ZBTB44: variants seen among roughly 807,000 people sequenced by gnomAD.
ZBTB44 encodes zinc finger and BTB domain-containing protein 44.
Under a neutral mutation model 54.0 loss-of-function variants are expected in ZBTB44, and 15 were observed. The ratio of observed to expected loss-of-function variants is 0.28; its 90% CI spans 0.19 to 0.43. The LOEUF (loss-of-function observed/expected upper bound fraction) is 0.43. Ranked by LOEUF, ZBTB44 falls within the 20% of genes least tolerant of loss-of-function variation. The probability of loss-of-function intolerance (pLI) is 1.00; values close to 1 mark genes in which losing one functional copy is unlikely to be tolerated. For synonymous variants in ZBTB44, 230 were observed against 250.1 expected, an observed-to-expected ratio of 0.92 and a Z score of 0.76; for missense variants, 487 against 707.1, an observed-to-expected ratio of 0.69 and a Z score of 3.53.
rs369914031 is a variant in ZBTB44 at position 130,261,312 on chromosome 11, T to C, written c.562A>G (p.Ile188Val). 32 of 1,613,816 alleles carry C rather than the reference T, an allele frequency of 2.0e-5. No homozygotes were observed. Among genetic ancestry groups the C allele is most frequent in the Non-Finnish European group, 2.6e-5 (31 of 1,179,902 alleles). The change falls in exon 2 of 8, where the codon ATT becomes GTT. Residue 188 changes from isoleucine to valine, a missense_variant. By Grantham distance (29) the Ile-to-Val change is conservative (BLOSUM62 3). Coordinates refer to ENST00000357899, the MANE Select transcript of ZBTB44 (RefSeq NM_001301098.2). This position sits in a 1 kb window ranked among gnomAD's most constrained non-coding sequence, Gnocchi z 4.8. The part of the protein sequence containing the change: ...RESRRKRKSY[I>V]VMSPESPVKC... The stretch of plus-strand genomic sequence containing the variant: ...ACAGGACTTTCAGGAGACATAACAA[T>C]GTAGCTTTTGCGCTTTCTCCGGGAT...
chr11:130,314,020 G>C (rs930587888), intron 1 of ZBTB44, among the ~76,000 whole-genome samples: 6 of 151,932 alleles, frequency 3.9e-5, no homozygotes, highest in African/African-American at 1.5e-4. Context: ...AAAGCAGAAG[G>C]GGAAAGGAGG....
In ZBTB44 at chr11:130,261,161, C is replaced by T. The variant is rs754651883; in HGVS notation, c.713G>A (p.Arg238Gln). Residue 238 changes from arginine (R) to glutamine (Q), a missense_variant, in exon 2 of 8, where the codon CGA becomes CAA. Around this residue, in one of 3 missense-constraint regions of ZBTB44, gnomAD observed 277 missense variants for 306.5 expected, o/e 0.90. Transcript: ENST00000357899. The surrounding 1 kb of genome is among the most constrained non-coding windows in gnomAD (Gnocchi z 4.8). ...FPWTFPFGID[R>Q]RIQPEKVKQA... ...CTTAACTTTCTCAGGCTGAATCCTT[C>T]GATCAATTCCAAAAGGAAAAGTCCA... The T allele has an allele frequency of 3.1e-6, 5 of 1,613,914 alleles. No individual in the cohort carries two copies. The highest frequency in any genetic ancestry group is 1.6e-4 in the Middle Eastern group (1 of 6,062).
At chr11:130,234,442 T>C (rs1402857352) in intron 5 of ZBTB44, among the ~76,000 whole-genome samples, 169 bp from the exon 6 acceptor site, 4 of 152,210 alleles carry the variant, frequency 2.6e-5, no homozygotes, top group African/African-American at 4.8e-5. Flanking sequence ...TTCCTAAATA[T>C]GAACCAAAAC....
rs575551680 is a variant in ZBTB44 at position 130,227,665 on chromosome 11, C to G, written c.*4099G>C. On this transcript the variant is annotated 3_prime_UTR_variant, in exon 8 of 8. Coordinates refer to ENST00000357899, the MANE Select transcript of ZBTB44 (RefSeq NM_001301098.2). ...TAGGCTGGCTGCACTAGGAAGTACT[C>G]CAGTTTTTAAATGGAGCCAGCTTTA... 3 of 152,278 alleles carry G rather than the reference C, an allele frequency of 2.0e-5. No homozygotes were observed. The highest frequency in any genetic ancestry group is 2.0e-4 in the Admixed American group (3 of 15,304). 9.4% of individuals were successfully genotyped at this position (152,278 alleles called of 1,614,324 possible).
intron 1 of ZBTB44, among the ~76,000 whole-genome samples, chr11:130,275,896 G>A (rs1488617048): frequency 6.6e-6 from 1 of 151,476 alleles, no homozygotes; most frequent in Non-Finnish European, 1.5e-5. Context: ...AAAGTGCTGG[G>A]ATTACAGGCA....
At chr11:130,242,021 G>A (rs1266252186) in intron 2 of ZBTB44, among the ~76,000 whole-genome samples, 2 of 152,142 alleles carry the variant, frequency 1.3e-5, no homozygotes, top group Non-Finnish European at 2.9e-5. Context: ...TTGCTATCAA[G>A]TAGAGAAAGT....
At chr11:130,260,162 G>A (rs1249758125) in intron 2 of ZBTB44, among the ~76,000 whole-genome samples, 1 of 151,988 alleles carries the variant, frequency 6.6e-6, no homozygotes, top group Non-Finnish European at 1.5e-5. Context: ...CACTCCTTTT[G>A]TCTGATCTCC....
At chr11:130,236,030 G>T in intron 5 of ZBTB44, 1 of 1,003,320 alleles carries the variant, frequency 1.0e-6, no homozygotes, top group Non-Finnish European at 1.2e-6. Flanking sequence ...GATTCCTACA[G>T]AAGTACAATT....
intron 1 of ZBTB44, among the ~76,000 whole-genome samples, chr11:130,273,751 A>G (rs1193619803): frequency 1.3e-5 from 2 of 152,154 alleles, no homozygotes; most frequent in Non-Finnish European, 2.9e-5. Flanking sequence ...GATTTTCTAT[A>G]AACAGGTTGA....
At chr11:130,245,783 C>T (rs928640677) in intron 2 of ZBTB44, among the ~76,000 whole-genome samples, 7 of 152,090 alleles carry the variant, frequency 4.6e-5, no homozygotes, top group South Asian at 2.1e-4. Flanking sequence ...CATACTCTTT[C>T]GAGGAGGGAA....
chr11:130,252,247 G>A (rs1161518030), intron 2 of ZBTB44, among the ~76,000 whole-genome samples: 4 of 152,014 alleles, frequency 2.6e-5, no homozygotes, highest in Admixed American at 6.6e-5. Flanking sequence ...ACATATATAC[G>A]CAATACAGAA....
In ZBTB44 at chr11:130,231,367, T is replaced by C. The variant is rs978439905; in HGVS notation, c.*397A>G. On this transcript the variant is annotated 3_prime_UTR_variant, in exon 8 of 8. Coordinates refer to ENST00000357899, the MANE Select transcript of ZBTB44 (RefSeq NM_001301098.2). ...GTTAAATACTGGTTAGTTACTGGTA[T>C]TGATAAGATCTGGGCAGCAGACAAC... is the stretch of plus-strand genomic sequence containing the variant. The C allele has an allele frequency of 1.3e-5, 2 of 152,192 alleles. No individual in the cohort carries two copies. Among genetic ancestry groups the C allele is most frequent in the African/African-American group, 4.8e-5 (2 of 41,466 alleles). 9.4% of individuals were successfully genotyped at this position (152,192 alleles called of 1,614,324 possible).
chr11:130,283,219 T>A (rs1038200568), intron 1 of ZBTB44, among the ~76,000 whole-genome samples: 1 of 151,958 alleles, frequency 6.6e-6, no homozygotes, highest in South Asian at 2.1e-4. Flanking sequence ...AATTTTTTTG[T>A]ATTTTTAGTA....
rs554811133 is a variant in ZBTB44, at chr11:130,258,673, CTA to C, written c.1018+2181_1018+2182del. ...CAGATTCCCTTGCAGCTAGGAAAGACTATGTGACACAGACTAGCAGAAGTTTT... is the reference window on the plus strand; with the variant it reads ...CAGATTCCCTTGCAGCTAGGAAAGACTGTGACACAGACTAGCAGAAGTTTT... On this transcript the variant is annotated intron_variant, in intron 2 of 7. Coordinates refer to ENST00000357899, the MANE Select transcript of ZBTB44 (RefSeq NM_001301098.2). 1.6e-3 allele frequency among the ~76,000 whole-genome samples: 239 copies of C among 152,300 alleles called. 5 individuals carry two copies. In the South Asian group the frequency reaches 0.034, roughly 22 times the overall value.
At chr11:130,257,407 G>A (rs1938528462) in intron 2 of ZBTB44, among the ~76,000 whole-genome samples, 1 of 152,116 alleles carries the variant, frequency 6.6e-6, no homozygotes, top group African/African-American at 2.4e-5. Context: ...GGGAGAGAGA[G>A]ATTTGAAGCC....
chr11:130,268,440 G>T (rs552211390), intron 1 of ZBTB44, among the ~76,000 whole-genome samples: 1 of 152,134 alleles, frequency 6.6e-6, no homozygotes, highest in East Asian at 1.9e-4. Flanking sequence ...GAATTTTTTA[G>T]CAACAAAGTA....
At chr11:130,233,895 C>A in intron 6 of ZBTB44, 1 of 1,077,300 alleles carries the variant, frequency 9.3e-7, no homozygotes, top group Non-Finnish European at 1.1e-6. Flanking sequence ...TCCCTCCCAC[C>A]CGGCTTTTTT....
intron 1 of ZBTB44, among the ~76,000 whole-genome samples, chr11:130,264,253 GCTA>G (rs1462292320): frequency 6.6e-6 from 1 of 152,202 alleles, no homozygotes; most frequent in African/African-American, 2.4e-5. Context: ...AGTTGCTGCT[GCTA>G]CTAACATTGC....
In ZBTB44 at chr11:130,230,434, T is replaced by TTTTG. The variant is rs1555160018; in HGVS notation, c.*1329_*1330insCAAA. On this transcript the variant is annotated 3_prime_UTR_variant, in exon 8 of 8. Transcript: ENST00000357899. ...GAAAGTTTTTTTTTTTTTTTTTTTTTGCTAGTTATTAAGAACAAAGGGCAT... is the reference window on the plus strand; with the variant it reads ...GAAAGTTTTTTTTTTTTTTTTTTTTTTTTGGCTAGTTATTAAGAACAAAGGGCAT... 3.4e-5 allele frequency: 5 copies of TTTTG among 145,118 alleles called. No homozygotes were observed. Among genetic ancestry groups the TTTTG allele is most frequent in the African/African-American group, 7.8e-5 (3 of 38,424 alleles). 9.0% of individuals were successfully genotyped at this position (145,118 alleles called of 1,614,324 possible).
Sources: allele counts gnomAD v4.1 joint callset (sites outside exome capture counted in the v4.1 genomes callset), GRCh38; gene constraint gnomAD v4.1.1; regional missense constraint gnomAD v4.1.1; non-coding constraint Gnocchi (gnomAD v3.1); transcripts MANE v1.5; gene names NCBI Gene and HGNC (gene_info 2026-07-23, HGNC 2026-07-21).